The following CACNA2D1 variants were observed in gnomAD, a reference collection of about 807,000 sequenced individuals.
The protein encoded by CACNA2D1 is voltage-dependent calcium channel subunit alpha-2/delta-1.
CACNA2D1 carries 53 observed loss-of-function variants against 171.5 expected under a neutral mutation model. The ratio of observed to expected loss-of-function variants is 0.31; its 90% CI spans 0.25 to 0.39. CACNA2D1 has a LOEUF of 0.39. CACNA2D1 is among the 10% of genes least tolerant of loss of function. CACNA2D1 has a pLI of 1.00. For missense variants in CACNA2D1, 903 were observed against 1,299.8 expected, an observed-to-expected ratio of 0.69 and a Z score of 4.69; for synonymous variants, 442 against 443.1, an observed-to-expected ratio of 1.00 and a Z score of 0.03.
At chr7:82,148,741 G>A (rs1460770434) in intron 4 of CACNA2D1, among the ~76,000 whole-genome samples, 1 of 152,068 alleles carries the variant, frequency 6.6e-6, no homozygotes, top group Non-Finnish European at 1.5e-5. Context: ...AGGTTCAAGT[G>A]ATTCTCCTGC....
chr7:81,980,941 GC>G (rs1194507865), intron 24 of CACNA2D1, among the ~76,000 whole-genome samples: 3 of 152,164 alleles, frequency 2.0e-5, no homozygotes, highest in African/African-American at 7.2e-5. Flanking sequence ...TTTATAAGAT[GC>G]TAAATCTGAA....
intron 1 of CACNA2D1, among the ~76,000 whole-genome samples, chr7:82,354,715 T>G (rs575485427): frequency 2.6e-5 from 4 of 152,236 alleles, no homozygotes; most frequent in Non-Finnish European, 5.9e-5. Flanking sequence ...AGGTCATCAG[T>G]TTCCACCGGT....
At chr7:82,416,818 G>C (rs1828223270) in intron 1 of CACNA2D1, among the ~76,000 whole-genome samples, 1 of 152,186 alleles carries the variant, frequency 6.6e-6, no homozygotes, top group African/African-American at 2.4e-5. Context: ...GGGAGCACAA[G>C]TCAACCCATG....
At position 81,991,254 on chromosome 7, in the gene CACNA2D1, G is replaced by T; in HGVS notation, c.1735-8C>A. On this transcript the variant is annotated splice_region_variant and splice_polypyrimidine_tract_variant and intron_variant, in intron 20 of 38. Coordinates refer to ENST00000356860, the MANE Select transcript of CACNA2D1 (RefSeq NM_000722.4). The stretch of plus-strand genomic sequence containing the variant: ...TCCTTTGTCAATATATCTCTAGAAA[G>T]AAGTTTAACGTGGTTATTATCACTT... 1.4e-6 allele frequency: 2 copies of T among 1,407,816 alleles called. No homozygotes were observed. Among genetic ancestry groups the T allele is most frequent in the Non-Finnish European group, 2.0e-6 (2 of 992,576 alleles). The allele number at this position is 1,407,816 out of a possible 1,614,324, so 87.2% of individuals were successfully genotyped here.
chr7:82,144,563 A>G (rs1278497370), intron 4 of CACNA2D1, among the ~76,000 whole-genome samples: 1 of 152,124 alleles, frequency 6.6e-6, no homozygotes, highest in Non-Finnish European at 1.5e-5. Flanking sequence ...CTAAAATTTA[A>G]AATTCTAGCA....
chr7:82,059,966 A>G (rs1806415661), intron 10 of CACNA2D1, among the ~76,000 whole-genome samples: 1 of 71,804 alleles, frequency 1.4e-5, no homozygotes, highest in Non-Finnish European at 2.6e-5. Flanking sequence ...TGGACACAGG[A>G]AGGGGAACAT....
chr7:82,138,702 T>G lies in CACNA2D1; in HGVS notation c.355-2026A>C, dbSNP rs992187547. ...ACCTCGTGATCCGCCCGCCTCAGCCTCCCAAAGTGCTGGGATTACAGGCGT... is the reference window on the plus strand; with the variant it reads ...ACCTCGTGATCCGCCCGCCTCAGCCGCCCAAAGTGCTGGGATTACAGGCGT... On this transcript the variant is annotated intron_variant, in intron 4 of 38. Transcript: ENST00000356860. Among the ~76,000 whole-genome samples, 3 of 152,078 alleles carry G rather than the reference T, an allele frequency of 2.0e-5. No homozygotes were observed. In the South Asian group the frequency reaches 6.2e-4, roughly 32 times the overall value.
intron 5 of CACNA2D1, among the ~76,000 whole-genome samples, chr7:82,133,517 T>C (rs1302259738): frequency 6.6e-6 from 1 of 152,208 alleles, no homozygotes; most frequent in East Asian, 1.9e-4. Flanking sequence ...GTAAGTGATA[T>C]CGCACTATGT....
At chr7:82,215,568 T>C (rs1801014551) in intron 3 of CACNA2D1, among the ~76,000 whole-genome samples, 1 of 152,160 alleles carries the variant, frequency 6.6e-6, no homozygotes, top group Non-Finnish European at 1.5e-5. Context: ...ATATATAATA[T>C]AATTAAGCTC....
At chr7:81,971,990 ACATT>A (rs1795330094) in intron 25 of CACNA2D1, 126 bp from the exon 26 acceptor site, 4 of 664,144 alleles carry the variant, frequency 6.0e-6, no homozygotes, top group Non-Finnish European at 1.1e-5. Flanking sequence ...AATATATTCC[ACATT>A]CATTTTCTTT....
intron 20 of CACNA2D1, 139 bp from the exon 21 acceptor site, chr7:81,991,385 ATATT>A (rs1316652528): frequency 5.8e-6 from 3 of 519,988 alleles, no homozygotes; most frequent in South Asian, 3.4e-5. Flanking sequence ...ATTTTATTCT[ATATT>A]TATTTATTTT....
chr7:82,413,850 T>C (rs566221204), intron 1 of CACNA2D1, among the ~76,000 whole-genome samples: 33 of 152,102 alleles, frequency 2.2e-4, no homozygotes, highest in Non-Finnish European at 4.4e-4. Flanking sequence ...ATATACTCAC[T>C]AATACAGAAT....
At chr7:81,975,711 GT>G (rs1795770410) in intron 24 of CACNA2D1, among the ~76,000 whole-genome samples, 1 of 152,034 alleles carries the variant, frequency 6.6e-6, no homozygotes, top group African/African-American at 2.4e-5. Context: ...TAGAAAATGA[GT>G]TGTGTACAAC....
At chr7:82,242,472 TCAAA>T (rs1476284779) in intron 3 of CACNA2D1, among the ~76,000 whole-genome samples, 2 of 152,128 alleles carry the variant, frequency 1.3e-5, no homozygotes, top group Admixed American at 6.5e-5. Context: ...TACCTTTCAG[TCAAA>T]CAAAGAATTT....
At chr7:82,115,692 A>G (rs1288969919) in intron 6 of CACNA2D1, among the ~76,000 whole-genome samples, 3 of 151,856 alleles carry the variant, frequency 2.0e-5, no homozygotes, top group Admixed American at 6.6e-5. Context: ...TAATAAAAAG[A>G]ATCATATATG....
At chr7:82,270,970 C>T (rs964122320) in intron 3 of CACNA2D1, among the ~76,000 whole-genome samples, 1 of 152,112 alleles carries the variant, frequency 6.6e-6, no homozygotes, top group Admixed American at 6.6e-5. Flanking sequence ...CAAACTCATT[C>T]CTGTGCTGCA....
At chr7:81,959,605 C>A in intron 37 of CACNA2D1, 115 bp downstream of exon 37, 2 of 1,159,150 alleles carry the variant, frequency 1.7e-6, no homozygotes, top group South Asian at 2.6e-5. Context: ...TCTGCCTTTG[C>A]GAGGTGATCA....
At chr7:82,038,297 A>G (rs1313346456) in intron 10 of CACNA2D1, 62 bp from the exon 11 acceptor site, 1 of 1,457,892 alleles carries the variant, frequency 6.9e-7, no homozygotes, top group African/African-American at 1.4e-5. Flanking sequence ...TAGTTTTCAT[A>G]GAATTTGTGT....
Position 82,357,186 on chromosome 7 carries a change from A to G in CACNA2D1, c.96-7537T>C, listed in dbSNP as rs140658782. ...CCATTCAATTAATATTGTTCCTTTCAAGGTTGGATTTGTCTGTAATGTGGC... is the reference window on the plus strand; with the variant it reads ...CCATTCAATTAATATTGTTCCTTTCGAGGTTGGATTTGTCTGTAATGTGGC... On this transcript the variant is annotated intron_variant, in intron 1 of 38. Coordinates refer to ENST00000356860, the MANE Select transcript of CACNA2D1 (RefSeq NM_000722.4). Among the ~76,000 whole-genome samples the G allele has an allele frequency of 7.9e-3, 1,199 of 152,252 alleles. 20 individuals carry two copies. Among genetic ancestry groups the G allele is most frequent in the African/African-American group, 0.026 (1,091 of 41,544 alleles).
Sources: gnomAD v4.1 joint callset for allele counts (sites outside exome capture counted in the v4.1 genomes callset) on GRCh38, gnomAD v4.1.1 for gene constraint, MANE v1.5 for transcripts, NCBI Gene and HGNC (gene_info 2026-07-23, HGNC 2026-07-21) for gene names.